The following HS3ST2 variants were observed in gnomAD, a reference collection of about 807,000 sequenced individuals.
HS3ST2 encodes the protein heparan sulfate-glucosamine 3-sulfotransferase 2, also known as heparan sulfate glucosamine 3-O-sulfotransferase 2.
A neutral mutation model predicts 26.3 loss-of-function variants in HS3ST2; 17 were observed. That is an observed-to-expected ratio of 0.65 (90% CI 0.44 to 0.97). The LOEUF (loss-of-function observed/expected upper bound fraction) is 0.97. HS3ST2 is among the 50% of genes least tolerant of loss of function. HS3ST2 has a pLI of 0.00. For missense variants in HS3ST2, 402 were observed against 501.2 expected, an observed-to-expected ratio of 0.80 and a Z score of 1.89; for synonymous variants, 237 against 219.2, an observed-to-expected ratio of 1.08 and a Z score of -0.72.
chr16:22,852,062 T>C (rs1480036507), intron 1 of HS3ST2, among the ~76,000 whole-genome samples: 1 of 152,162 alleles, frequency 6.6e-6, no homozygotes, highest in Admixed American at 6.5e-5. Flanking sequence ...ACTGAAAGTG[T>C]TTTTTCCTAT....
chr16:22,905,725 G>A (rs1902342991), intron 1 of HS3ST2, among the ~76,000 whole-genome samples: 1 of 152,138 alleles, frequency 6.6e-6, no homozygotes, highest in South Asian at 2.1e-4. Context: ...CGTGGGATGG[G>A]ATGGGTGTGG....
intron 1 of HS3ST2, among the ~76,000 whole-genome samples, chr16:22,817,931 G>A (rs902157504): frequency 6.6e-6 from 1 of 152,202 alleles, no homozygotes; most frequent in Non-Finnish European, 1.5e-5. Context: ...GCTGAAGGCC[G>A]AGTGATATAG....
chr16:22,893,677 A>G (rs1902164217), intron 1 of HS3ST2, among the ~76,000 whole-genome samples: 1 of 140,512 alleles, frequency 7.1e-6, no homozygotes, highest in Admixed American at 7.4e-5. Context: ...TTAAGTTCTG[A>G]AGCTCAAAGC....
intron 1 of HS3ST2, among the ~76,000 whole-genome samples, chr16:22,830,208 C>T (rs139943479): frequency 1.4e-4 from 21 of 151,934 alleles, no homozygotes; most frequent in Non-Finnish European, 2.7e-4. Flanking sequence ...CTCCCAATGA[C>T]GTATTCAGAA....
At position 22,910,657 on chromosome 16, in the gene HS3ST2, A is replaced by T. The variant is rs576545190; in HGVS notation, c.486-4287A>T. On this transcript the variant is annotated intron_variant, in intron 1 of 1. Transcript: ENST00000261374. ...ACAAATGCTATTAATTGTCCTACTC[A>T]ATACTAATAAATACGATTTCAACTT... Among the ~76,000 whole-genome samples the T allele has an allele frequency of 2.0e-5, 3 of 152,326 alleles. No homozygotes were observed. In the South Asian group the frequency reaches 6.2e-4, roughly 32 times the overall value.
intron 1 of HS3ST2, among the ~76,000 whole-genome samples, chr16:22,905,678 T>G (rs531184655): frequency 6.6e-6 from 1 of 152,294 alleles, no homozygotes; most frequent in African/African-American, 2.4e-5. Context: ...GTGAATAATA[T>G]AGACAACAAT....
intron 1 of HS3ST2, among the ~76,000 whole-genome samples, chr16:22,832,634 A>G (rs1901190103): frequency 6.6e-6 from 1 of 151,992 alleles, no homozygotes; most frequent in Non-Finnish European, 1.5e-5. Flanking sequence ...AAGGCATCAG[A>G]TCAGGATACT....
intron 1 of HS3ST2, among the ~76,000 whole-genome samples, chr16:22,868,614 A>C (rs1196786742): frequency 6.6e-6 from 1 of 152,118 alleles, no homozygotes; most frequent in Non-Finnish European, 1.5e-5. Context: ...TCCATTTCTG[A>C]GCCTGGGCCC....
At chr16:22,863,202 G>T (rs1392604694) in intron 1 of HS3ST2, among the ~76,000 whole-genome samples, 1 of 152,218 alleles carries the variant, frequency 6.6e-6, no homozygotes, top group Non-Finnish European at 1.5e-5. Context: ...TGCCCTTTGG[G>T]ATAGCACATC....
chr16:22,913,225 A>G (rs1902449016), intron 1 of HS3ST2, among the ~76,000 whole-genome samples: 1 of 151,012 alleles, frequency 6.6e-6, no homozygotes, highest in Non-Finnish European at 1.5e-5. Flanking sequence ...TCTAACGCGC[A>G]GCCAGGATTA....
Position 22,864,882 on chromosome 16 carries a change from C to CAAAAAAGAAA in HS3ST2, c.485+49793_485+49794insGAAAAAAAAA, listed in dbSNP as rs1901727710. Among the ~76,000 whole-genome samples the CAAAAAAGAAA allele has an allele frequency of 7.0e-5, 4 of 57,170 alleles. 1 individual carries two copies. In the South Asian group the frequency reaches 2.5e-3, roughly 36 times the overall value. 37.5% of individuals were successfully genotyped at this position (57,170 alleles called of 152,430 possible). On this transcript the variant is annotated intron_variant, in intron 1 of 1. Coordinates refer to ENST00000261374, the MANE Select transcript of HS3ST2 (RefSeq NM_006043.2). ...GCAACATAGGGAGACCCTGTCTCCA[C>CAAAAAAGAAA]AAAAAAAAAAAAAAAAAAAATAGCC...
chr16:22,877,941 T>C (rs1192724458), intron 1 of HS3ST2, among the ~76,000 whole-genome samples: 1 of 152,184 alleles, frequency 6.6e-6, no homozygotes, highest in African/African-American at 2.4e-5. Flanking sequence ...GAAGTGATGC[T>C]GGTGCTGATA....
At chr16:22,815,159 C>G (rs1900845143) in intron 1 of HS3ST2, 64 bp downstream of exon 1, 2 of 1,583,694 alleles carry the variant, frequency 1.3e-6, no homozygotes, top group South Asian at 2.3e-5. Context: ...GAGAGCCATC[C>G]GTCTCTTGTG....
At chr16:22,838,349 C>A (rs1391241310) in intron 1 of HS3ST2, among the ~76,000 whole-genome samples, 2 of 152,086 alleles carry the variant, frequency 1.3e-5, no homozygotes, top group East Asian at 3.9e-4. Context: ...GCTGAGTATG[C>A]CTGGAGTTGC....
chr16:22,827,469 G>A (rs78030594), intron 1 of HS3ST2, among the ~76,000 whole-genome samples: 2,170 of 152,270 alleles, frequency 0.014, 50 homozygotes, highest in African/African-American at 0.049. Flanking sequence ...CTAGGGGGCT[G>A]TTGCAAAAGT....
In HS3ST2 at chr16:22,826,145, C is replaced by A. The variant is rs531090203; in HGVS notation, c.485+11050C>A. 1.4e-4 allele frequency among the ~76,000 whole-genome samples: 21 copies of A among 152,280 alleles called. No individual in the cohort carries two copies. The South Asian group carries it at 3.7e-3, about 27-fold the overall frequency. On this transcript the variant is annotated intron_variant, in intron 1 of 1. Coordinates refer to ENST00000261374, the MANE Select transcript of HS3ST2 (RefSeq NM_006043.2). The stretch of plus-strand genomic sequence containing the variant: ...AAGATGAGAAAGAGAATTAATCTCT[C>A]TTTTAAAGAGAAGAAGGTACAGAGA...
intron 1 of HS3ST2, among the ~76,000 whole-genome samples, chr16:22,896,835 T>C (rs1007522626): frequency 1.3e-5 from 2 of 152,232 alleles, no homozygotes; most frequent in Admixed American, 6.5e-5. Context: ...GACAGAGTCT[T>C]GCTTTGTTGC....
chr16:22,913,443 G>A (rs1902452052), intron 1 of HS3ST2, among the ~76,000 whole-genome samples: 1 of 152,078 alleles, frequency 6.6e-6, no homozygotes, highest in Admixed American at 6.5e-5. Flanking sequence ...CCTGACTGAG[G>A]TCCCAAGCAG....
At chr16:22,850,680 G>A (rs1203070576) in intron 1 of HS3ST2, among the ~76,000 whole-genome samples, 1 of 152,134 alleles carries the variant, frequency 6.6e-6, no homozygotes, top group Non-Finnish European at 1.5e-5. Context: ...CCAGCTACTT[G>A]GGAGGCTGAG....
Sources: gnomAD v4.1 joint callset for allele counts (sites outside exome capture counted in the v4.1 genomes callset) on GRCh38, gnomAD v4.1.1 for gene constraint, MANE v1.5 for transcripts, NCBI Gene and HGNC (gene_info 2026-07-23, HGNC 2026-07-21) for gene names.